The following DHPS variants were observed in gnomAD, a reference collection of about 807,000 sequenced individuals.
DHPS encodes the protein deoxyhypusine synthase.
In DHPS, 24 loss-of-function variants were observed where a neutral mutation model predicts 38.7. The ratio of observed to expected loss-of-function variants is 0.62; its 90% CI spans 0.45 to 0.87. The LOEUF (loss-of-function observed/expected upper bound fraction) is 0.87. DHPS is among the 40% of genes least tolerant of loss of function. The pLI is 0.00. For synonymous variants in DHPS, 250 were observed against 204.4 expected (o/e 1.22, Z -1.90); for missense variants, 510 against 497.6 (o/e 1.02, Z -0.24).
Position 12,680,256 on chromosome 19 carries a change from G to C in DHPS, c.277C>G (p.Pro93Ala), listed in dbSNP as rs2024760897. 3 of 1,614,144 alleles carry C rather than the reference G, an allele frequency of 1.9e-6. No homozygotes were observed. Among genetic ancestry groups the C allele is most frequent in the Non-Finnish European group, 8.5e-7 (1 of 1,180,026 alleles). Residue 93 changes from proline (P) to alanine (A), a missense_variant, in exon 2 of 9, where the codon CCA becomes GCA. Physicochemically the swap from Pro to Ala is conservative, Grantham distance 27. Transcript: ENST00000210060. ...QHADLTQSRR[P>A]LTSCTIFLGY... is the part of the protein sequence containing the mutation. ...AGGAAAATGGTGCAGCTGGTAAGTGGGCGGCGGCTCTGGGTCAGGTCCGCG... is the reference window on the plus strand; with the variant it reads ...AGGAAAATGGTGCAGCTGGTAAGTGCGCGGCGGCTCTGGGTCAGGTCCGCG...
intron 5 of DHPS, among the ~76,000 whole-genome samples, chr19:12,678,921 G>A (rs976628561): frequency 2.7e-5 from 4 of 149,234 alleles, no homozygotes; most frequent in South Asian, 2.1e-4. Flanking sequence ...GCTAAGTGTT[G>A]CCTCTACTGT....
chr19:12,681,272 G>C, intron 1 of DHPS: 1 of 1,300,322 alleles, frequency 7.7e-7, no homozygotes, highest in South Asian at 1.6e-5. Flanking sequence ...TCTTGCCCCA[G>C]GCTCCGCCCA....
At chr19:12,673,410 C>CT (rs58676851), downstream of DHPS, 9,912 of 246,170 alleles carry the variant, frequency 0.04, 167 homozygotes, top group East Asian at 0.053. Context: ...AGGCTAGGAT[C>CT]TTTTTTTTTT....
chr19:12,673,786 C>A (rs1169631824), downstream of DHPS, among the ~76,000 whole-genome samples: 1 of 151,940 alleles, frequency 6.6e-6, no homozygotes, highest in Non-Finnish European at 1.5e-5. Context: ...GCAACCTCTT[C>A]CCCCCAGGGT....
Position 12,681,451 on chromosome 19 carries a change from C to A in DHPS, c.207+109G>T, listed in dbSNP as rs1029885047. 5 of 1,326,866 alleles carry A rather than the reference C, an allele frequency of 3.8e-6. No homozygotes were observed. In the African/African-American group the frequency reaches 7.4e-5, roughly 20 times the overall value. The allele number at this position is 1,326,866 out of a possible 1,614,324, so 82.2% of individuals were successfully genotyped here. A position where few individuals can be genotyped will look rare whatever the true frequency, so the allele number is the denominator to read the frequency against. On this transcript the variant is annotated intron_variant, in intron 1 of 8. Transcript: ENST00000210060. ...GCCTTCCTCCAACTATTGGGCAACT[C>A]AAATAAAAGACATATCCCCTCCACT... is the stretch of plus-strand genomic sequence containing the variant.
At chr19:12,681,191 TG>T in intron 1 of DHPS, 1 of 1,231,940 alleles carries the variant, frequency 8.1e-7, no homozygotes, top group South Asian at 1.4e-5. Context: ...CCTTCCCCGC[TG>T]GGAAAAGCAA....
At chr19:12,675,379 GA>G, downstream of DHPS, 1 of 1,146,452 alleles carries the variant, frequency 8.7e-7, no homozygotes, top group Non-Finnish European at 1.2e-6. Context: ...CAGTGTCTAG[GA>G]GGCAATTAGA....
At chr19:12,678,348 T>C (rs887747305) in intron 5 of DHPS, among the ~76,000 whole-genome samples, 20 of 151,464 alleles carry the variant, frequency 1.3e-4, no homozygotes, top group African/African-American at 4.6e-4. Context: ...GCACCTGTAG[T>C]CCCAGCTACT....
chr19:12,674,477 C>T (rs2024512430), downstream of DHPS, among the ~76,000 whole-genome samples: 1 of 152,196 alleles, frequency 6.6e-6, no homozygotes. Context: ...GGCGGACAAG[C>T]TCTTGCTTTA....
chr19:12,673,120 AG>A (rs2024471510), downstream of DHPS: 1 of 1,612,336 alleles, frequency 6.2e-7, no homozygotes, highest in Non-Finnish European at 8.5e-7. Context: ...TGGGCGAGTG[AG>A]TCCTTGTGGT....
intron 7 of DHPS, chr19:12,676,388 G>A (rs748147329): frequency 1.8e-5 from 9 of 502,200 alleles, no homozygotes; most frequent in Non-Finnish European, 3.2e-5. Context: ...TGCAAGGCAG[G>A]AGCTGCCAGC....
rs1033105341 is a variant in DHPS, at chr19:12,677,413, A to G, written c.679-17T>C. ...GATGTGGTTCTGCAGAGAACATGAC[A>G]GGACAGTGGCTGGAGCTCAGAGCCT... On this transcript the variant is annotated splice_polypyrimidine_tract_variant and intron_variant, in intron 5 of 8. Transcript: ENST00000210060. The G allele has an allele frequency of 5.0e-6, 8 of 1,608,290 alleles. No homozygotes were observed. Among genetic ancestry groups the G allele is most frequent in the African/African-American group, 1.3e-5 (1 of 74,802 alleles).
intron 5 of DHPS, among the ~76,000 whole-genome samples, chr19:12,678,986 T>G (rs1420465575): frequency 6.6e-6 from 1 of 151,276 alleles, no homozygotes; most frequent in East Asian, 2.0e-4. Flanking sequence ...TAGTTATCTG[T>G]GTGACTTCAG....
intron 5 of DHPS, among the ~76,000 whole-genome samples, chr19:12,678,588 G>A (rs1343841026): frequency 1.3e-5 from 2 of 151,326 alleles, no homozygotes; most frequent in South Asian, 2.1e-4. Flanking sequence ...TGGCCAACAT[G>A]GTGAAACCCC....
chr19:12,672,717 C>T, downstream of DHPS: 1 of 975,990 alleles, frequency 1.0e-6, no homozygotes, highest in Non-Finnish European at 1.6e-6. Context: ...GCCTGAGTCT[C>T]AAGGCCAGAG....
rs1275399847 is a variant in DHPS, at chr19:12,680,186, A to G, written c.347T>C (p.Ile116Thr). 11 of 1,614,078 alleles carry G rather than the reference A, an allele frequency of 6.8e-6. No homozygotes were observed. Among genetic ancestry groups the G allele is most frequent in the African/African-American group, 1.3e-5 (1 of 74,924 alleles). ...NLISSGIRETIRYLVQHNMVD... is the reference protein window; with the variant it reads ...NLISSGIRETTRYLVQHNMVD... ...CATGTTGTGCTGCACAAGGTAGCGA[A>G]TGGTCTCACGGATGCCTGAACTGAT... The change falls in exon 2 of 9, where the codon ATT becomes ACT. Residue 116 changes from isoleucine to threonine, a missense_variant. Coordinates refer to ENST00000210060, the MANE Select transcript of DHPS (RefSeq NM_001930.4).
downstream of DHPS, chr19:12,673,112 G>C: frequency 6.2e-7 from 1 of 1,612,718 alleles, no homozygotes; most frequent in Non-Finnish European, 8.5e-7. Context: ...GGAGCTGCTG[G>C]GCGAGTGAGT....
intron 5 of DHPS, among the ~76,000 whole-genome samples, chr19:12,678,759 ACT>A (rs1374280051): frequency 7.1e-5 from 8 of 112,674 alleles, no homozygotes; most frequent in Admixed American, 3.1e-4. Context: ...ACAGAGCAAG[ACT>A]CTGTCTCAAA....
chr19:12,681,183 T>C (rs991542441), intron 1 of DHPS: 1 of 1,241,918 alleles, frequency 8.1e-7, no homozygotes, highest in Non-Finnish European at 1.0e-6. Flanking sequence ...ATCCGGTCCC[T>C]TCCCCGCTGG....
Sources: allele counts gnomAD v4.1 joint callset (sites outside exome capture counted in the v4.1 genomes callset), GRCh38; gene constraint gnomAD v4.1.1; transcripts MANE v1.5; gene names NCBI Gene and HGNC (gene_info 2026-07-23, HGNC 2026-07-21).